Variants in USP42 observed in about 807,000 individuals in gnomAD.
USP42 encodes ubiquitin specific peptidase 42, also known as ubiquitin carboxyl-terminal hydrolase 42.
A neutral mutation model predicts 113.0 loss-of-function variants in USP42; 23 were observed. That is an observed-to-expected ratio of 0.20 (90% CI 0.15 to 0.29). The LOEUF is 0.29. Among genes scored for constraint, USP42 ranks in the 10% least tolerant of loss-of-function variants. The probability of loss-of-function intolerance (pLI) is 1.00; values close to 1 mark genes in which losing one functional copy is unlikely to be tolerated. For synonymous variants in USP42, 933 were observed against 699.0 expected (o/e 1.33, Z -5.28); for missense variants, 2,174 against 1,779.8 (o/e 1.22, Z -3.99).
In USP42 at chr7:6,105,593, C is replaced by T. The variant is rs1014661172; in HGVS notation, c.-10+561C>T. Among the ~76,000 whole-genome samples, 11 of 152,254 alleles carry T rather than the reference C, an allele frequency of 7.2e-5. No homozygotes were observed. The South Asian group carries it at 1.5e-3, about 20-fold the overall frequency. The stretch of plus-strand genomic sequence containing the variant: ...TTTTCCCACCTTGGGCGCCCCCTCC[C>T]CAGGCCTAGCCACCTGGCTGCTCCG... On this transcript the variant is annotated intron_variant, in intron 1 of 17. Transcript: ENST00000306177.
At chr7:6,153,651 A>G (rs1782202550) in intron 14 of USP42, 105 bp from the exon 15 acceptor site, 2 of 1,302,702 alleles carry the variant, frequency 1.5e-6, no homozygotes, top group South Asian at 4.1e-5. Flanking sequence ...AAATAAAGAG[A>G]CGAAATAGCA....
Position 6,111,342 on chromosome 7 carries a change from A to G in USP42, c.209A>G (p.Asp70Gly). The change falls in exon 2 of 18, where the codon GAT becomes GGT. Residue 70 changes from aspartate (D) to glycine (G), a missense_variant. Physicochemically the swap from Asp to Gly is moderately conservative, Grantham distance 94. Coordinates refer to ENST00000306177, the MANE Select transcript of USP42 (RefSeq NM_032172.3). ...AVVYSSSSVP[D>G]KSKPSPQKDQ... The stretch of plus-strand genomic sequence containing the variant: ...GTTTATTCGAGTTCATCTGTACCTG[A>G]TAAATCAAAACCATCACCACAAAAG... The G allele has an allele frequency of 1.9e-6, 3 of 1,611,496 alleles. No homozygotes were observed. The highest frequency in any genetic ancestry group is 1.1e-5 in the South Asian group (1 of 90,594).
chr7:6,134,933 T>G (rs1040049633), intron 3 of USP42, among the ~76,000 whole-genome samples: 6 of 152,090 alleles, frequency 3.9e-5, no homozygotes, highest in African/African-American at 1.4e-4. Context: ...ATTACAGGCT[T>G]GTGCCACCAC....
chr7:6,097,122 G>C, the USP42 span, among the ~76,000 whole-genome samples: 1 of 150,698 alleles, frequency 6.6e-6, no homozygotes, highest in Admixed American at 6.6e-5. Flanking sequence ...TTTGCTACCA[G>C]ACAGCCCAGT....
At chr7:6,120,647 A>C (rs1780175753) in intron 3 of USP42, among the ~76,000 whole-genome samples, 2 of 152,144 alleles carry the variant, frequency 1.3e-5, no homozygotes, top group Non-Finnish European at 2.9e-5. Flanking sequence ...GCAGTGGCAC[A>C]ATCTCGGCTC....
chr7:6,101,693 T>A (rs1281515234), upstream of USP42, among the ~76,000 whole-genome samples: 1 of 151,042 alleles, frequency 6.6e-6, no homozygotes, highest in African/African-American at 2.5e-5. Flanking sequence ...TTTGATGGCA[T>A]GGGGCAAGGT....
chr7:6,132,790 G>C (rs923199851), intron 3 of USP42, among the ~76,000 whole-genome samples: 2 of 152,162 alleles, frequency 1.3e-5, no homozygotes, highest in African/African-American at 4.8e-5. Flanking sequence ...TCCTGCCTCA[G>C]CCTCCTGAGT....
the USP42 span, among the ~76,000 whole-genome samples, chr7:6,092,342 C>T: frequency 1.3e-5 from 2 of 150,036 alleles, no homozygotes; most frequent in Non-Finnish European, 2.9e-5. Context: ...CCACACCCAG[C>T]TAGTTTTTGT....
chr7:6,157,710 G>A lies in USP42; in HGVS notation c.3943+655G>A, dbSNP rs1271220584. On this transcript the variant is annotated intron_variant, in intron 16 of 17. Transcript: ENST00000306177. The surrounding 1 kb of genome is among the most constrained non-coding windows in gnomAD (Gnocchi z 4.1). ...TCCTTAAACCTGTAGCATTCTGAGT[G>A]CACCCTGATGCTCGGTACTGATTTG... Among the ~76,000 whole-genome samples the A allele has an allele frequency of 6.6e-6, 1 of 152,228 alleles. No individual in the cohort carries two copies. The highest frequency in any genetic ancestry group is 2.4e-5 in the African/African-American group (1 of 41,458).
At position 6,138,525 on chromosome 7, in the gene USP42, C is replaced by G. The variant is rs1237597517; in HGVS notation, c.554-567C>G. On this transcript the variant is annotated intron_variant, in intron 4 of 17. Transcript: ENST00000306177. ...TAACTTGCTAGAAACATGAGTCACT[C>G]TGTAGCTACTCTCTAGACTCTCAGA... Among the ~76,000 whole-genome samples, 4 of 152,188 alleles carry G rather than the reference C, an allele frequency of 2.6e-5. No homozygotes were observed. The East Asian group carries it at 7.7e-4, about 29-fold the overall frequency.
At chr7:6,101,684 T>C (rs1790131040), upstream of USP42, among the ~76,000 whole-genome samples, 1 of 151,126 alleles carries the variant, frequency 6.6e-6, no homozygotes, top group Non-Finnish European at 1.5e-5. Context: ...TATGTTTGCT[T>C]TGATGGCATG....
intron 10 of USP42, among the ~76,000 whole-genome samples, chr7:6,145,875 A>T (rs140664318): frequency 0.01 from 1,564 of 152,182 alleles, 27 homozygotes; most frequent in African/African-American, 0.036. Flanking sequence ...TTCAAGACCA[A>T]CCTGGCCAAC....
chr7:6,129,544 G>A (rs1780728676), intron 3 of USP42, among the ~76,000 whole-genome samples: 2 of 138,274 alleles, frequency 1.4e-5, no homozygotes, highest in African/African-American at 5.5e-5. Flanking sequence ...GTGACAAAGT[G>A]AGGCTCTGCC....
the USP42 span, among the ~76,000 whole-genome samples, chr7:6,089,577 G>C: frequency 6.8e-6 from 1 of 146,684 alleles, no homozygotes; most frequent in East Asian, 2.0e-4. Context: ...CTGTCTCCCA[G>C]GCTGGAGTGC....
intron 14 of USP42, among the ~76,000 whole-genome samples, chr7:6,151,949 G>GT (rs754815958): frequency 2.0e-4 from 31 of 152,184 alleles, no homozygotes; most frequent in South Asian, 8.3e-4. Context: ...GTTGTTGACC[G>GT]TATGTATGAG....
intron 2 of USP42, among the ~76,000 whole-genome samples, chr7:6,112,186 C>T (rs1398661662): frequency 6.6e-6 from 1 of 151,972 alleles, no homozygotes; most frequent in African/African-American, 2.4e-5. Context: ...ATGGTGGCTC[C>T]ACCTGTTATC....
At chr7:6,126,317 C>T (rs1780541591) in intron 3 of USP42, among the ~76,000 whole-genome samples, 1 of 147,328 alleles carries the variant, frequency 6.8e-6, no homozygotes, top group Admixed American at 6.9e-5. Flanking sequence ...GGAAGTCTTG[C>T]TCTGTTGTCC....
chr7:6,151,319 A>G (rs1056704593), intron 14 of USP42, among the ~76,000 whole-genome samples: 14 of 152,198 alleles, frequency 9.2e-5, no homozygotes, highest in Non-Finnish European at 1.9e-4. Context: ...TAGTAAACAC[A>G]CCTTAGCTTA....
the USP42 span, among the ~76,000 whole-genome samples, chr7:6,094,044 C>G: frequency 1.3e-5 from 2 of 151,034 alleles, no homozygotes; most frequent in Non-Finnish European, 2.9e-5. Flanking sequence ...CCACACCCGG[C>G]TAATTTTTTT....
Sources: gnomAD v4.1 joint callset for allele counts (sites outside exome capture counted in the v4.1 genomes callset) on GRCh38, gnomAD v4.1.1 for gene constraint, Gnocchi (gnomAD v3.1) non-coding constraint, MANE v1.5 for transcripts, NCBI Gene and HGNC (gene_info 2026-07-23, HGNC 2026-07-21) for gene names.